NRXN3: variants seen among roughly 807,000 people sequenced by gnomAD.
The protein encoded by NRXN3 is neurexin III.
In NRXN3, 32 loss-of-function variants were observed where a neutral mutation model predicts 137.6. The observed-to-expected ratio is 0.23, with a 90% confidence interval of 0.18 to 0.31. The LOEUF is 0.31. NRXN3 is among the 10% of genes least tolerant of loss of function. NRXN3 has a pLI of 1.00. For missense variants in NRXN3, 1,574 were observed against 2,062.5 expected (o/e 0.76, Z 4.59); for synonymous variants, 798 against 784.5 (o/e 1.02, Z -0.29).
At chr14:79,333,081 T>C (rs951912261) in intron 15 of NRXN3, among the ~76,000 whole-genome samples, 2 of 152,108 alleles carry the variant, frequency 1.3e-5, no homozygotes, top group Admixed American at 6.6e-5. Flanking sequence ...ATGCAGCGCT[T>C]TCATTCTAAA....
chr14:79,388,676 C>T (rs957590949), intron 15 of NRXN3, among the ~76,000 whole-genome samples: 4 of 152,108 alleles, frequency 2.6e-5, no homozygotes, highest in African/African-American at 9.7e-5. Context: ...CTTACCCAGG[C>T]CTCTCTCCTA....
chr14:78,702,039 T>C (rs2098285641), intron 6 of NRXN3, among the ~76,000 whole-genome samples: 1 of 152,186 alleles, frequency 6.6e-6, no homozygotes, highest in Non-Finnish European at 1.5e-5. Context: ...GATGCAGATG[T>C]GACTCTGGTC....
chr14:79,490,024 G>A (rs955747862), intron 16 of NRXN3, among the ~76,000 whole-genome samples: 4 of 114,050 alleles, frequency 3.5e-5, no homozygotes, highest in African/African-American at 7.4e-5. Context: ...GGGGGACAGA[G>A]CAATACTCCA....
At chr14:78,972,119 A>C (rs1053627340) in intron 14 of NRXN3, among the ~76,000 whole-genome samples, 1 of 152,178 alleles carries the variant, frequency 6.6e-6, no homozygotes, top group Non-Finnish European at 1.5e-5. Context: ...TTTAAAAAAA[A>C]TCATACCTGA....
chr14:79,178,561 T>C (rs1410711482), intron 15 of NRXN3, among the ~76,000 whole-genome samples: 1 of 152,202 alleles, frequency 6.6e-6, no homozygotes, highest in Non-Finnish European at 1.5e-5. Context: ...TGTTACTAAT[T>C]TATTGCTAGT....
At position 79,364,918 on chromosome 14, in the gene NRXN3, CAAA is replaced by C. The variant is rs535607562; in HGVS notation, c.3263-102301_3263-102299del. 6.2e-4 allele frequency among the ~76,000 whole-genome samples: 95 copies of C among 152,218 alleles called. 1 individual carries two copies. The highest frequency in any genetic ancestry group is 1.1e-3 in the Non-Finnish European group (76 of 68,024). ...CCCCTACTTACTATTCAAAAATCCC[CAAA>C]ACCAGCACTCTTCTATATATTGGTG... On this transcript the variant is annotated intron_variant, in intron 15 of 20. Coordinates refer to ENST00000335750, the MANE Select transcript of NRXN3 (RefSeq NM_001330195.2).
chr14:78,394,335 TG>T (rs1300058889), intron 4 of NRXN3, among the ~76,000 whole-genome samples: 1 of 151,982 alleles, frequency 6.6e-6, no homozygotes, highest in Non-Finnish European at 1.5e-5. Flanking sequence ...TATAACCATG[TG>T]TTTTTTTCTT....
chr14:78,622,536 G>A (rs1025540955), intron 4 of NRXN3, among the ~76,000 whole-genome samples: 5 of 151,952 alleles, frequency 3.3e-5, no homozygotes, highest in Admixed American at 2.6e-4. Context: ...GTCCCACAAA[G>A]CAATCGTGAG....
At chr14:79,535,560 G>C (rs1177926183) in intron 16 of NRXN3, among the ~76,000 whole-genome samples, 5 of 152,130 alleles carry the variant, frequency 3.3e-5, no homozygotes, top group Admixed American at 6.6e-5. Flanking sequence ...TGGATTTCCA[G>C]TAGCAGGCAT....
chr14:78,248,140 G>A (rs1354991040), intron 2 of NRXN3, among the ~76,000 whole-genome samples: 1 of 152,306 alleles, frequency 6.6e-6, no homozygotes, highest in East Asian at 1.9e-4. Context: ...ACTTGAGTGG[G>A]TGCCCAGACC....
intron 16 of NRXN3, among the ~76,000 whole-genome samples, chr14:79,582,116 T>C (rs563147496): frequency 6.6e-6 from 1 of 152,194 alleles, no homozygotes; most frequent in African/African-American, 2.4e-5. Context: ...TGTTTGTTTG[T>C]TTTTTAAGTA....
chr14:78,917,216 A>G (rs191831428), intron 10 of NRXN3, among the ~76,000 whole-genome samples: 3 of 152,326 alleles, frequency 2.0e-5, no homozygotes, highest in African/African-American at 4.8e-5. Flanking sequence ...AGGGATAAAA[A>G]GGTATACTGT....
chr14:78,660,232 G>C (rs2097826103), intron 6 of NRXN3, among the ~76,000 whole-genome samples: 1 of 145,072 alleles, frequency 6.9e-6, no homozygotes, highest in South Asian at 2.1e-4. Context: ...CAGTTGATGG[G>C]TTGTTGATGA....
chr14:78,344,492 C>T (rs1014444099), intron 4 of NRXN3, among the ~76,000 whole-genome samples: 21 of 152,218 alleles, frequency 1.4e-4, no homozygotes, highest in African/African-American at 3.9e-4. Context: ...AACACATGCT[C>T]ATTAATACAG....
At chr14:79,196,772 T>A (rs1470018949) in intron 15 of NRXN3, among the ~76,000 whole-genome samples, 1 of 152,234 alleles carries the variant, frequency 6.6e-6, no homozygotes, top group African/African-American at 2.4e-5. Flanking sequence ...AGAGGTATAT[T>A]GTGCAGCTCA....
At chr14:79,191,440 T>A (rs2064296982) in intron 15 of NRXN3, among the ~76,000 whole-genome samples, 2 of 152,196 alleles carry the variant, frequency 1.3e-5, no homozygotes, top group Admixed American at 1.3e-4. Flanking sequence ...CTGCCCAATT[T>A]TAAAGGTGTC....
At chr14:79,856,475 A>G (rs2141854307) in intron 20 of NRXN3, among the ~76,000 whole-genome samples, 1 of 152,306 alleles carries the variant, frequency 6.6e-6, no homozygotes, top group Middle Eastern at 3.4e-3. Flanking sequence ...CAAATATATA[A>G]AAAGAATTCA....
At position 78,251,274 on chromosome 14, in the gene NRXN3, A is replaced by G. The variant is rs545909684; in HGVS notation, c.709+7472A>G. 5.9e-4 allele frequency among the ~76,000 whole-genome samples: 89 copies of G among 151,432 alleles called. 3 individuals carry two copies. The South Asian group carries it at 0.018, about 31-fold the overall frequency. ...CTGCCTTCAGCTTCTCTCTGCATGT[A>G]AAAAAAAACAATCTTTCTCTGTTTC... On this transcript the variant is annotated intron_variant, in intron 2 of 20. Coordinates refer to ENST00000335750, the MANE Select transcript of NRXN3 (RefSeq NM_001330195.2).
chr14:78,864,627 A>G (rs1596638129), intron 10 of NRXN3, among the ~76,000 whole-genome samples: 3 of 152,302 alleles, frequency 2.0e-5, no homozygotes, highest in Non-Finnish European at 2.9e-5. Flanking sequence ...TCCTGTAATA[A>G]GAGACAGATT....
Sources: allele counts gnomAD v4.1 joint callset (sites outside exome capture counted in the v4.1 genomes callset), GRCh38; gene constraint gnomAD v4.1.1; transcripts MANE v1.5; gene names NCBI Gene and HGNC (gene_info 2026-07-23, HGNC 2026-07-21).